LPIN1: variants seen among roughly 807,000 people sequenced by gnomAD.
LPIN1 encodes the protein lipin 1, also known as phosphatidate phosphatase LPIN1.
LPIN1 carries 71 observed loss-of-function variants against 107.5 expected under a neutral mutation model. That is an observed-to-expected ratio of 0.66 (90% CI 0.55 to 0.80). The LOEUF is 0.80. LPIN1 is among the 30% of genes least tolerant of loss of function. LPIN1 has a pLI of 0.00. For missense variants in LPIN1, 1,043 were observed against 1,160.6 expected, an observed-to-expected ratio of 0.90 and a Z score of 1.47; for synonymous variants, 445 against 452.6, an observed-to-expected ratio of 0.98 and a Z score of 0.21.
At chr2:11,804,294 T>C in intron 15 of LPIN1, 129 bp from the exon 16 acceptor site, 1 of 984,970 alleles carries the variant, frequency 1.0e-6, no homozygotes, top group Non-Finnish European at 1.6e-6. Context: ...AAGAAAGAAT[T>C]ATACAAGGGC....
At chr2:11,788,897 TGAGTCTCTGAGGCCA>T (rs1675146671) in intron 12 of LPIN1, among the ~76,000 whole-genome samples, 1 of 152,150 alleles carries the variant, frequency 6.6e-6, no homozygotes, top group Non-Finnish European at 1.5e-5. Flanking sequence ...GCCCCATGCC[TGAGTCTCTGAGGCCA>T]GAGCCAGTAC....
rs542036844 is a variant in LPIN1 at position 11,811,840 on chromosome 2, C to G, written c.2250-3248C>G. On this transcript the variant is annotated intron_variant, in intron 17 of 20. Coordinates refer to ENST00000674199, the MANE Select transcript of LPIN1 (RefSeq NM_001349206.2). ...TCTCTACTAAAAATACAAAAATTAG[C>G]TGGGCGTGGTAGTGCATGCCTGTAG... Among the ~76,000 whole-genome samples the G allele has an allele frequency of 8.9e-4, 135 of 152,172 alleles. 3 individuals carry two copies. Among genetic ancestry groups the G allele is most frequent in the Non-Finnish European group, 2.9e-5 (2 of 68,008 alleles).
chr2:11,680,751 T>G (rs1010820120), intron 1 of LPIN1, among the ~76,000 whole-genome samples: 1 of 152,156 alleles, frequency 6.6e-6, no homozygotes, highest in Non-Finnish European at 1.5e-5. Context: ...GGACTTTATT[T>G]TTTTCTTAGT....
At chr2:11,755,040 A>G (rs771714665) in intron 1 of LPIN1, among the ~76,000 whole-genome samples, 1 of 148,076 alleles carries the variant, frequency 6.8e-6, no homozygotes, top group Non-Finnish European at 1.5e-5. Context: ...ATCTCGGCTC[A>G]CTGCAAGCTC....
At chr2:11,687,361 A>G (rs547187494) in intron 1 of LPIN1, among the ~76,000 whole-genome samples, 34 of 152,306 alleles carry the variant, frequency 2.2e-4, no homozygotes, top group South Asian at 1.5e-3. Context: ...GATAAAGTAT[A>G]TAAGAAAATA....
In LPIN1 at chr2:11,726,031, A is replaced by G. The variant is rs1034005941; in HGVS notation, c.-72+1492A>G. On this transcript the variant is annotated intron_variant, in intron 1 of 21. Transcript: ENST00000396097. ...GGCAGCGTTATTGCTGGAGTGATCC[A>G]TTCTCATAGACTCAAGATGATGGAA... Among the ~76,000 whole-genome samples, 4 of 152,138 alleles carry G rather than the reference A, an allele frequency of 2.6e-5. No homozygotes were observed. In the East Asian group the frequency reaches 7.7e-4, roughly 29 times the overall value.
intron 6 of LPIN1, 109 bp from the exon 7 acceptor site, chr2:11,779,410 C>A: frequency 1.7e-6 from 2 of 1,196,240 alleles, no homozygotes; most frequent in African/African-American, 1.5e-5. Flanking sequence ...TCAGAGCGAA[C>A]GACAGCTGGG....
intron 3 of LPIN1, among the ~76,000 whole-genome samples, chr2:11,769,133 GAGGAACTGCC>G (rs1383776353): frequency 6.6e-6 from 1 of 152,194 alleles, no homozygotes; most frequent in Non-Finnish European, 1.5e-5. Context: ...TTTAACATTT[GAGGAACTGCC>G]AGACTGTGTT....
At chr2:11,713,261 A>AG (rs1663522032) in intron 1 of LPIN1, among the ~76,000 whole-genome samples, 1 of 152,210 alleles carries the variant, frequency 6.6e-6, no homozygotes, top group Non-Finnish European at 1.5e-5. Flanking sequence ...TGCTCAAAGA[A>AG]AAGACACCAC....
At chr2:11,747,820 C>A (rs1402683203) in intron 1 of LPIN1, among the ~76,000 whole-genome samples, 8 of 152,182 alleles carry the variant, frequency 5.3e-5, no homozygotes, top group Admixed American at 5.2e-4. Flanking sequence ...CGTTTGCCAG[C>A]ATTTGTTATT....
rs925002947 is a variant in LPIN1 at position 11,697,062 on chromosome 2, C to G, written c.82-16694C>G. On this transcript the variant is annotated intron_variant, in intron 1 of 21. Coordinates refer to the LPIN1 transcript ENST00000449576. The surrounding 1 kb of genome is among the most constrained non-coding windows in gnomAD (Gnocchi z 4.6). ...CCCCACCTGTGGCCCAGGGAAGGCT[C>G]TTTGTTCCTCAGCCCCAAGCTGTAT... is the stretch of plus-strand genomic sequence containing the variant. Among the ~76,000 whole-genome samples the G allele has an allele frequency of 3.3e-5, 5 of 152,372 alleles. No homozygotes were observed. In the East Asian group the frequency reaches 9.7e-4, roughly 29 times the overall value.
intron 1 of LPIN1, among the ~76,000 whole-genome samples, chr2:11,730,504 T>G (rs1572441170): frequency 1.3e-5 from 2 of 152,254 alleles, no homozygotes; most frequent in East Asian, 3.8e-4. Flanking sequence ...GTGTCATAGC[T>G]GAGACTAGTT....
In LPIN1 at chr2:11,802,976, C is replaced by T; in HGVS notation, c.1956C>T (p.Leu652=). The stretch of plus-strand genomic sequence containing the variant: ...CCAAGCCATCAAACGCAGGCCACCT[C>T]CCTCTTCTGCCTAATGTCAGCTACA... ...AAAKPSNAGH[L]PLLPNVSYKK... is the part of the protein sequence containing the mutation. The change falls in exon 15 of 21, where the codon CTC becomes CTT. Residue 652 remains leucine, a synonymous_variant. Transcript: ENST00000674199. 1 of 1,613,300 alleles carries T rather than the reference C, an allele frequency of 6.2e-7. No homozygotes were observed. The highest frequency in any genetic ancestry group is 8.5e-7 in the Non-Finnish European group (1 of 1,180,024).
intron 17 of LPIN1, among the ~76,000 whole-genome samples, chr2:11,812,991 G>A (rs2148717853): frequency 6.6e-6 from 1 of 152,272 alleles, no homozygotes; most frequent in South Asian, 2.1e-4. Flanking sequence ...GGCCCCTGAG[G>A]GTTTGACGTC....
chr2:11,813,599 A>G (rs1183065196), intron 17 of LPIN1, among the ~76,000 whole-genome samples: 1 of 152,066 alleles, frequency 6.6e-6, no homozygotes, highest in Non-Finnish European at 1.5e-5. Context: ...CATTCTAGAC[A>G]CTAAATTTTT....
At chr2:11,753,114 G>A (rs1668116166) in intron 1 of LPIN1, among the ~76,000 whole-genome samples, 1 of 152,100 alleles carries the variant, frequency 6.6e-6, no homozygotes, top group Admixed American at 6.5e-5. Flanking sequence ...GAGCAGGGTG[G>A]GGGTGTGCTG....
chr2:11,699,426 G>A (rs530647367), intron 1 of LPIN1, among the ~76,000 whole-genome samples: 2 of 152,282 alleles, frequency 1.3e-5, no homozygotes, highest in South Asian at 4.2e-4. Context: ...GCGGGTATGG[G>A]TATGGAGTCC....
intron 1 of LPIN1, chr2:11,677,823 T>A: frequency 9.0e-7 from 1 of 1,116,688 alleles, no homozygotes; most frequent in Non-Finnish European, 1.3e-6. Context: ...CCGGGGAACA[T>A]TTGCGCCCAG....
At chr2:11,698,337 G>A (rs1662691999) in intron 1 of LPIN1, among the ~76,000 whole-genome samples, 1 of 152,220 alleles carries the variant, frequency 6.6e-6, no homozygotes, top group Admixed American at 6.5e-5. Context: ...AAGGGGCTGT[G>A]TCCGAGTTCT....
Sources: allele counts gnomAD v4.1 joint callset (sites outside exome capture counted in the v4.1 genomes callset), GRCh38; gene constraint gnomAD v4.1.1; non-coding constraint Gnocchi (gnomAD v3.1); transcripts MANE v1.5; gene names NCBI Gene and HGNC (gene_info 2026-07-23, HGNC 2026-07-21).